ASCC3: variants seen among roughly 807,000 people sequenced by gnomAD.
The protein encoded by ASCC3 is activating signal cointegrator 1 complex subunit 3.
Under a neutral mutation model 256.3 loss-of-function variants are expected in ASCC3, and 158 were observed. The ratio of observed to expected loss-of-function variants is 0.62; its 90% CI spans 0.54 to 0.70. The LOEUF (loss-of-function observed/expected upper bound fraction) is 0.70. Among genes scored for constraint, ASCC3 ranks in the 30% least tolerant of loss-of-function variants. The pLI, the probability that ASCC3 is intolerant of heterozygous loss-of-function variation, is 0.00. For missense variants in ASCC3, 2,259 were observed against 2,626.0 expected (o/e 0.86, Z 3.05); for synonymous variants, 948 against 883.4 (o/e 1.07, Z -1.30).
intron 36 of ASCC3, among the ~76,000 whole-genome samples, chr6:100,557,778 C>A (rs938391924): frequency 6.6e-6 from 1 of 151,934 alleles, no homozygotes; most frequent in South Asian, 2.1e-4. Context: ...ATAAGACCTG[C>A]TATTTGACAA....
chr6:100,750,766 A>C (rs1366276785), intron 10 of ASCC3, among the ~76,000 whole-genome samples: 2 of 152,014 alleles, frequency 1.3e-5, no homozygotes, highest in Admixed American at 1.3e-4. Flanking sequence ...AAAAGCAAAC[A>C]AAGTGCCAGC....
chr6:100,642,965 A>G (rs945402557), intron 23 of ASCC3, among the ~76,000 whole-genome samples: 2 of 152,154 alleles, frequency 1.3e-5, no homozygotes, highest in Admixed American at 6.5e-5. Flanking sequence ...GCTAATTTAT[A>G]TTATTTACAT....
intron 10 of ASCC3, among the ~76,000 whole-genome samples, chr6:100,756,861 T>A (rs1011026899): frequency 9.2e-5 from 14 of 152,192 alleles, no homozygotes; most frequent in Admixed American, 2.6e-4. Context: ...AATTTTTTTT[T>A]AAAAATAGTG....
At chr6:100,662,293 C>T (rs192939654) in intron 15 of ASCC3, 52 bp downstream of exon 15, 42 of 1,568,596 alleles carry the variant, frequency 2.7e-5, no homozygotes, top group Non-Finnish European at 3.5e-5. Context: ...AACCCAGAGC[C>T]TTGCTTTAAG....
Position 100,690,846 on chromosome 6 carries a change from C to T in ASCC3, c.2152-11094G>A, listed in dbSNP as rs144006974. Among the ~76,000 whole-genome samples, 371 of 152,224 alleles carry T rather than the reference C, an allele frequency of 2.4e-3. 2 individuals are homozygous for T. Among genetic ancestry groups the T allele is most frequent in the African/African-American group, 8.5e-3 (352 of 41,548 alleles). ...TCAGAGCCAGCTCAGGACTCTCATG[C>T]AGCTCTTCTCAAGAAACCCAAGCTT... On this transcript the variant is annotated intron_variant, in intron 13 of 41. Transcript: ENST00000369162.
At chr6:100,857,101 T>A (rs919849133) in intron 3 of ASCC3, 1 of 152,118 alleles carries the variant, frequency 6.6e-6, no homozygotes, top group Non-Finnish European at 1.5e-5. Flanking sequence ...AATAGGTATG[T>A]CAGTCTTTTA....
chr6:100,841,268 A>T (rs901992581), intron 4 of ASCC3, among the ~76,000 whole-genome samples: 6 of 152,194 alleles, frequency 3.9e-5, no homozygotes, highest in Non-Finnish European at 8.8e-5. Context: ...GCAGACCCTG[A>T]CAGAGCATAT....
At chr6:100,729,857 C>G (rs1779818882) in intron 10 of ASCC3, among the ~76,000 whole-genome samples, 2 of 152,172 alleles carry the variant, frequency 1.3e-5, no homozygotes, top group Non-Finnish European at 1.5e-5. Flanking sequence ...AAACCGGGAG[C>G]AAACTGTGTA....
At chr6:100,627,406 C>G (rs1311294355) in intron 29 of ASCC3, among the ~76,000 whole-genome samples, 184 bp downstream of exon 29, 3 of 152,048 alleles carry the variant, frequency 2.0e-5, no homozygotes, top group African/African-American at 7.2e-5. Flanking sequence ...TGTGAAATCG[C>G]TCCAATCTTC....
chr6:100,547,678 T>C (rs1256347432), intron 36 of ASCC3, among the ~76,000 whole-genome samples: 1 of 152,064 alleles, frequency 6.6e-6, no homozygotes, highest in Non-Finnish European at 1.5e-5. Flanking sequence ...GGAAATTTCA[T>C]GCATAGCTGG....
Position 100,600,014 on chromosome 6 carries a change from G to C in ASCC3, c.5303+1796C>G, listed in dbSNP as rs146822234. 5.4e-4 allele frequency among the ~76,000 whole-genome samples: 82 copies of C among 152,018 alleles called. 1 individual carries two copies. Among genetic ancestry groups the C allele is most frequent in the Non-Finnish European group, 1.1e-3 (74 of 67,988 alleles). On this transcript the variant is annotated intron_variant, in intron 34 of 41. Transcript: ENST00000369162. ...ATTCGTTACTTTCCAGATGAAGAAC[G>C]TCTAGCTCAGAGAGGTAAAGTGACT...
Position 100,809,266 on chromosome 6 carries a change from T to C in ASCC3, c.802-3386A>G, listed in dbSNP as rs77159195. Reference sequence around the variant, plus strand: ...TACATTTAACTGTTTGACTCTTTTATAACAATACCTAGCTTAAAACACAAA... The same window carrying C: ...TACATTTAACTGTTTGACTCTTTTACAACAATACCTAGCTTAAAACACAAA... On this transcript the variant is annotated intron_variant, in intron 4 of 41. Coordinates refer to ENST00000369162, the MANE Select transcript of ASCC3 (RefSeq NM_006828.4). Among the ~76,000 whole-genome samples, 522 of 152,166 alleles carry C rather than the reference T, an allele frequency of 3.4e-3. 3 individuals carry two copies. Among genetic ancestry groups the C allele is most frequent in the African/African-American group, 0.012 (498 of 41,552 alleles).
intron 33 of ASCC3, among the ~76,000 whole-genome samples, chr6:100,604,418 T>A (rs796690163): frequency 2.0e-5 from 3 of 152,056 alleles, no homozygotes; most frequent in African/African-American, 7.2e-5. Context: ...TTTTCTAAAT[T>A]CTTGAGATCA....
At chr6:100,570,218 C>A (rs1770517172) in intron 36 of ASCC3, among the ~76,000 whole-genome samples, 1 of 152,084 alleles carries the variant, frequency 6.6e-6, no homozygotes, top group Non-Finnish European at 1.5e-5. Flanking sequence ...ATAATCATAT[C>A]ACCACCAAAG....
chr6:100,785,360 G>A lies in ASCC3; in HGVS notation c.1395+13353C>T, dbSNP rs193203765. ...CAATTTATTATTCATATATTTTTAT[G>A]TTACTTAACTGAATGCATTTACACC... On this transcript the variant is annotated intron_variant, in intron 8 of 41. Coordinates refer to ENST00000369162, the MANE Select transcript of ASCC3 (RefSeq NM_006828.4). 2.6e-5 allele frequency among the ~76,000 whole-genome samples: 4 copies of A among 152,132 alleles called. No individual in the cohort carries two copies. In the East Asian group the frequency reaches 7.7e-4, roughly 29 times the overall value.
chr6:100,753,309 AC>A (rs1000320852), intron 10 of ASCC3, among the ~76,000 whole-genome samples: 2,297 of 116,326 alleles, frequency 0.02, 67 homozygotes, highest in African/African-American at 0.062. Context: ...CAATAGCAAA[AC>A]AAAACAAAAC....
At chr6:100,605,824 G>C (rs1026420259) in intron 32 of ASCC3, 124 bp from the exon 33 acceptor site, 2 of 1,131,662 alleles carry the variant, frequency 1.8e-6, no homozygotes, top group Admixed American at 4.0e-5. Flanking sequence ...GTGATAATAT[G>C]TTTGCTATGT....
At chr6:100,645,270 A>G (rs919333169) in intron 22 of ASCC3, among the ~76,000 whole-genome samples, 4 of 152,102 alleles carry the variant, frequency 2.6e-5, no homozygotes, top group Non-Finnish European at 5.9e-5. Context: ...GTAAATTTAT[A>G]TTTATGTGAA....
chr6:100,828,635 C>T (rs1247227179), intron 4 of ASCC3, among the ~76,000 whole-genome samples: 6 of 152,032 alleles, frequency 3.9e-5, no homozygotes, highest in African/African-American at 1.4e-4. Context: ...CGGATCTTCG[C>T]GGTGAGTGTT....
Sources: allele counts gnomAD v4.1 joint callset (sites outside exome capture counted in the v4.1 genomes callset), GRCh38; gene constraint gnomAD v4.1.1; transcripts MANE v1.5; gene names NCBI Gene and HGNC (gene_info 2026-07-23, HGNC 2026-07-21).